MAP3K9: variants seen among roughly 807,000 people sequenced by gnomAD.
MAP3K9 encodes the protein mitogen-activated protein kinase kinase kinase 9.
Under a neutral mutation model 95.8 loss-of-function variants are expected in MAP3K9, and 46 were observed. The ratio of observed to expected loss-of-function variants is 0.48; its 90% CI spans 0.38 to 0.61. The LOEUF is 0.61. MAP3K9 is among the 20% of genes least tolerant of loss of function. MAP3K9 has a pLI of 0.00. For missense variants in MAP3K9, 1,296 were observed against 1,474.3 expected (o/e 0.88, Z 1.98); for synonymous variants, 533 against 593.8 (o/e 0.90, Z 1.49).
At chr14:70,784,795 G>C (rs1445393024) in intron 2 of MAP3K9, among the ~76,000 whole-genome samples, 1 of 152,342 alleles carries the variant, frequency 6.6e-6, no homozygotes, top group East Asian at 1.9e-4. Flanking sequence ...CTGGGGAAAA[G>C]AGAAATGAGA....
At chr14:70,755,853 G>A (rs2054291677) in intron 3 of MAP3K9, among the ~76,000 whole-genome samples, 1 of 152,220 alleles carries the variant, frequency 6.6e-6, no homozygotes, top group Non-Finnish European at 1.5e-5. Flanking sequence ...CTTAAGTCCT[G>A]GGAACAAGTC....
chr14:70,787,655 G>A (rs1256599361), intron 2 of MAP3K9, among the ~76,000 whole-genome samples: 1 of 152,116 alleles, frequency 6.6e-6, no homozygotes, highest in Non-Finnish European at 1.5e-5. Context: ...TTGGGCTTCT[G>A]ACTTTACAAG....
rs1345329056 is a variant in MAP3K9 at position 70,724,728 on chromosome 14, T to C, written c.*5652A>G. ...GCACACTATTTCTGAAACCTGGCCT[T>C]GGACTTCAGTGAGCGCAGGGCAAGG... On this transcript the variant is annotated 3_prime_UTR_variant, in exon 12 of 12. Transcript: ENST00000554752. 1 of 152,240 alleles carries C rather than the reference T, an allele frequency of 6.6e-6. No homozygotes were observed. The highest frequency in any genetic ancestry group is 1.5e-5 in the Non-Finnish European group (1 of 68,056). The allele number at this position is 152,240 out of a possible 1,614,324, so 9.4% of individuals were successfully genotyped here. A position where few individuals can be genotyped will look rare whatever the true frequency, so the allele number is the denominator to read the frequency against.
At chr14:70,776,418 A>C (rs1352470162) in intron 2 of MAP3K9, among the ~76,000 whole-genome samples, 1 of 152,174 alleles carries the variant, frequency 6.6e-6, no homozygotes, top group Non-Finnish European at 1.5e-5. Flanking sequence ...CTAGGTCTGA[A>C]ACCATTTCAG....
In MAP3K9 at chr14:70,808,973, C is replaced by T. The variant is rs1384198599; in HGVS notation, c.199G>A (p.Gly67Ser). The change falls in exon 1 of 12, where the codon GGC becomes AGC. Residue 67 changes from glycine (G) to serine (S), a missense_variant. Coordinates refer to ENST00000554752, the MANE Select transcript of MAP3K9 (RefSeq NM_001284230.2). ...AGCCGCAGGGTCAGCTCGTCCTCGC[C>T]CGCCGCCTCGTACTCGAACACGGCC... ...WTAVFEYEAA[G>S]EDELTLRLGD... 6.4e-7 allele frequency: 1 copy of T among 1,569,436 alleles called. No individual in the cohort carries two copies. Among genetic ancestry groups the T allele is most frequent in the Non-Finnish European group, 8.6e-7 (1 of 1,164,668 alleles).
intron 2 of MAP3K9, among the ~76,000 whole-genome samples, chr14:70,781,044 CT>C (rs1296784195): frequency 2.0e-5 from 3 of 152,238 alleles, no homozygotes; most frequent in African/African-American, 7.2e-5. Flanking sequence ...ATCCTCTGTG[CT>C]TTTCCCCAGT....
intron 1 of MAP3K9, among the ~76,000 whole-genome samples, chr14:70,805,831 G>T (rs1257397677): frequency 1.3e-5 from 2 of 152,224 alleles, no homozygotes; most frequent in Non-Finnish European, 2.9e-5. Flanking sequence ...GGAGGCTGGG[G>T]TGGGAGGATC....
rs759687858 is a variant in MAP3K9 at position 70,730,636 on chromosome 14, G to A, written c.3059C>T (p.Pro1020Leu). ...VSPSHARSTS[P>L]ANSSSTETPS... is the part of the protein sequence containing the mutation. The stretch of plus-strand genomic sequence containing the variant: ...CGTCTCTGTGCTGGAGCTGTTGGCT[G>A]GGGAGGTGCTGCGGGCATGGCTGGG... The change falls in exon 12 of 12, where the codon CCA (proline) becomes CTA (leucine). Residue 1020 changes from proline (P) to leucine (L), a missense_variant. Physicochemically the swap from Pro to Leu is moderately conservative, Grantham distance 98. This residue lies in a region of MAP3K9 where 433 missense variants were observed against 441.4 expected (regional missense o/e 0.98). Transcript: ENST00000554752. The A allele has an allele frequency of 7.4e-6, 12 of 1,613,736 alleles. No homozygotes were observed. In the African/African-American group the frequency reaches 1.6e-4, roughly 22 times the overall value.
intron 5 of MAP3K9, 78 bp from the exon 6 acceptor site, chr14:70,742,669 TCC>T (rs1341925831): frequency 6.6e-7 from 1 of 1,524,982 alleles, no homozygotes; most frequent in African/African-American, 1.4e-5. Flanking sequence ...GCCTGAGAGC[TCC>T]CAGAGGGCTT....
rs747019799 is a variant in MAP3K9, at chr14:70,800,922, G to A, written c.565C>T (p.Arg189Cys). The change falls in exon 2 of 12, where the codon CGC becomes TGC. Residue 189 changes from arginine to cysteine, a missense_variant. By Grantham distance (180) the Arg-to-Cys change is radical. Around this residue, in one of 5 missense-constraint regions of MAP3K9, gnomAD observed 338 missense variants for 363.4 expected, o/e 0.93. Transcript: ENST00000554752. ...ATGGCGAAGAGCTTGGCCTCTTGGCGAACATTCTCTATGGTCTGGCTGATG... is the reference window on the plus strand; with the variant it reads ...ATGGCGAAGAGCTTGGCCTCTTGGCAAACATTCTCTATGGTCTGGCTGATG... ...EDISQTIENVRQEAKLFAMLK... is the reference protein window; with the variant it reads ...EDISQTIENVCQEAKLFAMLK... The A allele has an allele frequency of 7.4e-6, 12 of 1,614,064 alleles. No individual in the cohort carries two copies. The highest frequency in any genetic ancestry group is 4.0e-5 in the African/African-American group (3 of 74,928).
rs769927112 is a variant in MAP3K9 at position 70,730,700 on chromosome 14, C to A, written c.2995G>T (p.Ala999Ser). The A allele has an allele frequency of 1.2e-6, 2 of 1,613,676 alleles. No individual in the cohort carries two copies. Among genetic ancestry groups the A allele is most frequent in the Non-Finnish European group, 1.7e-6 (2 of 1,180,038 alleles). Residue 999 changes from alanine (A) to serine (S), a missense_variant, in exon 12 of 12, where the codon GCC becomes TCC. Coordinates refer to ENST00000554752, the MANE Select transcript of MAP3K9 (RefSeq NM_001284230.2). ...CAAGGGTCCAGCCGTTGCCGGTTGG[C>A]AGAAGGACGCGGCCGAGGCAGAAAC... ...LEFLPRPRPS[A>S]NRQRLDPWWF...
chr14:70,730,093 A>T lies in MAP3K9; in HGVS notation c.*287T>A. 1 of 409,378 alleles carries T rather than the reference A, an allele frequency of 2.4e-6. No individual in the cohort carries two copies. Among genetic ancestry groups the T allele is most frequent in the Non-Finnish European group, 4.5e-6 (1 of 223,048 alleles). 25.4% of individuals were successfully genotyped at this position (409,378 alleles called of 1,614,324 possible). ...GAGTGACTCTGCAGGGTCACTCTAA[A>T]GGCAAGGAAGACTGTGGAGGGTGGG... On this transcript the variant is annotated 3_prime_UTR_variant, in exon 12 of 12. Coordinates refer to ENST00000554752, the MANE Select transcript of MAP3K9 (RefSeq NM_001284230.2).
Position 70,732,592 on chromosome 14 carries a change from A to G in MAP3K9, c.2777T>C (p.Leu926Pro). The G allele has an allele frequency of 6.2e-7, 1 of 1,604,634 alleles. No homozygotes were observed. The highest frequency in any genetic ancestry group is 8.5e-7 in the Non-Finnish European group (1 of 1,174,680). Residue 926 changes from leucine (L) to proline (P), a missense_variant, in exon 11 of 12, where the codon CTC (leucine) becomes CCC (proline). Leu to Pro is a moderately conservative substitution (Grantham distance 98). This residue lies in a region of MAP3K9 where 433 missense variants were observed against 441.4 expected (regional missense o/e 0.98). Transcript: ENST00000554752. ...PSDGALKPET[L>P]LASRSPSSNG... ...GCTGGAGGGGCTCCTGCTGGCTAGG[A>G]GAGTCTCTGGCTTAAGGGCCCCATC...
chr14:70,762,162 G>C (rs932823439), intron 2 of MAP3K9, among the ~76,000 whole-genome samples: 2 of 152,104 alleles, frequency 1.3e-5, no homozygotes, highest in African/African-American at 2.4e-5. Flanking sequence ...TAGACACATG[G>C]GTTGTTTCCA....
intron 2 of MAP3K9, among the ~76,000 whole-genome samples, chr14:70,787,934 G>C (rs376585149): frequency 6.6e-6 from 1 of 152,164 alleles, no homozygotes; most frequent in South Asian, 2.1e-4. Context: ...GAGATGGGGG[G>C]AGCAAGGGAA....
chr14:70,737,975 C>T (rs1449087204), intron 8 of MAP3K9, among the ~76,000 whole-genome samples: 1 of 152,198 alleles, frequency 6.6e-6, no homozygotes, highest in African/African-American at 2.4e-5. Flanking sequence ...TGTGTTCCAA[C>T]AGTGGCGCTC....
intron 8 of MAP3K9, among the ~76,000 whole-genome samples, chr14:70,737,224 T>C (rs923590428): frequency 6.6e-5 from 10 of 152,234 alleles, no homozygotes; most frequent in African/African-American, 1.7e-4. Flanking sequence ...GGAAGTGTCA[T>C]CACAGCTAAT....
intron 2 of MAP3K9, among the ~76,000 whole-genome samples, chr14:70,789,120 C>A (rs1192859521): frequency 6.6e-6 from 1 of 152,184 alleles, no homozygotes; most frequent in Admixed American, 6.5e-5. Flanking sequence ...ACAGACAGGA[C>A]GAGGCTGCAT....
At chr14:70,781,177 G>T (rs1220714617) in intron 2 of MAP3K9, among the ~76,000 whole-genome samples, 1 of 152,262 alleles carries the variant, frequency 6.6e-6, no homozygotes, top group East Asian at 1.9e-4. Context: ...TTCTAAGCTA[G>T]ATCAGAAAAG....
Sources: gnomAD v4.1 joint callset for allele counts (sites outside exome capture counted in the v4.1 genomes callset) on GRCh38, gnomAD v4.1.1 for gene constraint, gnomAD v4.1.1 regional missense constraint, MANE v1.5 for transcripts, NCBI Gene and HGNC (gene_info 2026-07-23, HGNC 2026-07-21) for gene names.